Variants in FBXO10 observed in about 807,000 individuals in gnomAD.
The protein encoded by FBXO10 is F-box protein 10, also known as F-box only protein 10.
In FBXO10, 39 loss-of-function variants were observed where a neutral mutation model predicts 80.7. The ratio of observed to expected loss-of-function variants is 0.48; its 90% CI spans 0.37 to 0.63. The LOEUF (loss-of-function observed/expected upper bound fraction) is 0.63. FBXO10 is among the 30% of genes least tolerant of loss of function. The pLI, the probability that FBXO10 is intolerant of heterozygous loss-of-function variation, is 0.00. For synonymous variants in FBXO10, 449 were observed against 489.6 expected (o/e 0.92, Z 1.09); for missense variants, 1,025 against 1,269.0 (o/e 0.81, Z 2.92).
chr9:37,551,262 G>A (rs1448430349), intron 1 of FBXO10, among the ~76,000 whole-genome samples: 2 of 152,190 alleles, frequency 1.3e-5, no homozygotes, highest in African/African-American at 4.8e-5. Flanking sequence ...CAGCATTGCT[G>A]GACATAGCCC....
At chr9:37,521,893 T>C in intron 7 of FBXO10, 55 bp from the exon 8 acceptor site, 1 of 1,493,756 alleles carries the variant, frequency 6.7e-7, no homozygotes, top group Non-Finnish European at 8.9e-7. Flanking sequence ...AAGCGGCACC[T>C]GAGTCTCCCT....
intron 4 of FBXO10, among the ~76,000 whole-genome samples, chr9:37,530,539 T>A (rs994714159): frequency 1.3e-5 from 2 of 152,246 alleles, no homozygotes; most frequent in East Asian, 3.8e-4. Flanking sequence ...GCCAAAGCCA[T>A]GCATCAACCA....
chr9:37,566,554 A>C (rs567583723), intron 1 of FBXO10, among the ~76,000 whole-genome samples: 6 of 152,282 alleles, frequency 3.9e-5, no homozygotes. Context: ...TTCCAACATT[A>C]TGAGGCACAC....
In FBXO10 at chr9:37,529,141, G is replaced by T; in HGVS notation, c.1689C>A (p.His563Gln). Residue 563 changes from histidine (H) to glutamine (Q), a missense_variant, in exon 5 of 11, where the codon CAC (histidine) becomes CAA (glutamine). His to Gln is a conservative substitution (Grantham distance 24). Coordinates refer to ENST00000432825, the MANE Select transcript of FBXO10 (RefSeq NM_012166.3). ...NKEAGIYILY[H>Q]GNPVVSGNHI... The stretch of plus-strand genomic sequence containing the variant: ...GCACACACCTCACAACGGGGTTTCC[G>T]TGGTACAGGATGTAAATGCCAGCCT... 6.2e-7 allele frequency: 1 copy of T among 1,614,004 alleles called. No homozygotes were observed.
intron 1 of FBXO10, among the ~76,000 whole-genome samples, chr9:37,551,931 A>C (rs1010125994): frequency 1.3e-5 from 2 of 152,202 alleles, no homozygotes; most frequent in African/African-American, 4.8e-5. Context: ...TCTTCTGCCA[A>C]ATCACCTAGC....
At chr9:37,561,996 C>G (rs1052218583) in intron 1 of FBXO10, among the ~76,000 whole-genome samples, 1 of 152,156 alleles carries the variant, frequency 6.6e-6, no homozygotes. Context: ...ATCTCAACGG[C>G]ATGACATGGA....
chr9:37,550,123 T>C lies in FBXO10; in HGVS notation c.-6-8349A>G, dbSNP rs1173634415. ...ACAGTACATATAGGAAGAGCCAGCT[T>C]AATGCTTTCATTTTATTTCTCAGTT... is the stretch of plus-strand genomic sequence containing the variant. On this transcript the variant is annotated intron_variant, in intron 1 of 10. Transcript: ENST00000432825. Among the ~76,000 whole-genome samples the C allele has an allele frequency of 5.6e-4, 85 of 151,126 alleles. 1 individual carries two copies. The highest frequency in any genetic ancestry group is 5.5e-3 in the Admixed American group (83 of 15,158).
chr9:37,571,103 A>T (rs1001754395), intron 1 of FBXO10, among the ~76,000 whole-genome samples: 2 of 152,184 alleles, frequency 1.3e-5, no homozygotes, highest in African/African-American at 4.8e-5. Flanking sequence ...TCACCCTAGA[A>T]CCATTAAAGA....
intron 1 of FBXO10, among the ~76,000 whole-genome samples, chr9:37,565,247 C>A (rs1009830318): frequency 6.6e-6 from 1 of 152,086 alleles, no homozygotes; most frequent in South Asian, 2.1e-4. Flanking sequence ...AACCTCTTTT[C>A]TTTATAAATT....
At position 37,541,336 on chromosome 9, in the gene FBXO10, C is replaced by G; in HGVS notation, c.433G>C (p.Gly145Arg). 1 of 1,614,054 alleles carries G rather than the reference C, an allele frequency of 6.2e-7. No individual in the cohort carries two copies. Reference sequence around the variant, plus strand: ...ACAGGCACCTTCAAGATGATTTCACCTTGCTCTTCGTACACACCTGGGAAG... The same window carrying G: ...ACAGGCACCTTCAAGATGATTTCACGTTGCTCTTCGTACACACCTGGGAAG... ...VLFPGVYEEQ[G>R]EIILKVPVEI... Residue 145 changes from glycine to arginine, a missense_variant, in exon 2 of 11, where the codon GGT (glycine) becomes CGT (arginine). Gly to Arg is a moderately radical substitution (Grantham distance 125). Coordinates refer to ENST00000432825, the MANE Select transcript of FBXO10 (RefSeq NM_012166.3).
chr9:37,548,902 C>T lies in FBXO10; in HGVS notation c.-6-7128G>A, dbSNP rs1822123437. ...TAGCTGGGACTACAGGCGCCCGCCA[C>T]CACGCCCTGCTCATTTTTTGTAATT... On this transcript the variant is annotated intron_variant, in intron 1 of 10. Coordinates refer to ENST00000432825, the MANE Select transcript of FBXO10 (RefSeq NM_012166.3). Among the ~76,000 whole-genome samples the T allele has an allele frequency of 2.6e-5, 4 of 152,290 alleles. 1 individual carries two copies.
intron 1 of FBXO10, among the ~76,000 whole-genome samples, chr9:37,546,932 T>C (rs1431235216): frequency 6.6e-6 from 1 of 152,178 alleles, no homozygotes; most frequent in Non-Finnish European, 1.5e-5. Context: ...CCGCCTGCCT[T>C]GGCCTCCCAA....
intron 1 of FBXO10, 120 bp from the exon 2 acceptor site, chr9:37,541,894 T>C: frequency 1.2e-6 from 1 of 809,584 alleles, no homozygotes; most frequent in Non-Finnish European, 1.9e-6. Flanking sequence ...AGTGGTGCGA[T>C]CTTGGCCTCA....
intron 1 of FBXO10, among the ~76,000 whole-genome samples, chr9:37,568,923 G>A (rs1588863646): frequency 6.6e-6 from 1 of 152,292 alleles, no homozygotes; most frequent in South Asian, 2.1e-4. Flanking sequence ...ATGAAAAATA[G>A]CTCCAAAGAA....
At chr9:37,574,451 A>T (rs981864100) in intron 1 of FBXO10, among the ~76,000 whole-genome samples, 2 of 152,226 alleles carry the variant, frequency 1.3e-5, no homozygotes, top group African/African-American at 4.8e-5. Context: ...AAATGATGGC[A>T]CTATGGTGAA....
chr9:37,533,680 G>A (rs1055774989), intron 3 of FBXO10, among the ~76,000 whole-genome samples: 1 of 152,026 alleles, frequency 6.6e-6, no homozygotes, highest in African/African-American at 2.4e-5. Context: ...AGACCAGCCT[G>A]GCCAACATGG....
intron 1 of FBXO10, among the ~76,000 whole-genome samples, chr9:37,571,976 AAAAAT>A (rs1468528707): frequency 6.6e-6 from 1 of 151,564 alleles, no homozygotes; most frequent in Non-Finnish European, 1.5e-5. Context: ...CTCTACAAAA[AAAAAT>A]AAAATAATTA....
chr9:37,571,194 T>C (rs1192157550), intron 1 of FBXO10, among the ~76,000 whole-genome samples: 2 of 152,076 alleles, frequency 1.3e-5, no homozygotes, highest in Non-Finnish European at 2.9e-5. Flanking sequence ...AGTTCTATCA[T>C]ACATTCAAGG....
chr9:37,517,495 A>T (rs1009176442), intron 9 of FBXO10, among the ~76,000 whole-genome samples: 3 of 100,910 alleles, frequency 3.0e-5, no homozygotes, highest in African/African-American at 1.2e-4. Context: ...CAAATAGGTG[A>T]AGGAAGAGAT....
Sources: gnomAD v4.1 joint callset for allele counts (sites outside exome capture counted in the v4.1 genomes callset) on GRCh38, gnomAD v4.1.1 for gene constraint, MANE v1.5 for transcripts, NCBI Gene and HGNC (gene_info 2026-07-23, HGNC 2026-07-21) for gene names.